Variants in CLDN20 observed in about 807,000 individuals in gnomAD.
The protein encoded by CLDN20 is claudin 20, also known as claudin-20.
For missense variants in CLDN20, 258 were observed against 267.9 expected (o/e 0.96, Z 0.26); for synonymous variants, 104 against 103.6 (o/e 1.00, Z -0.03).
intron 1 of CLDN20, among the ~76,000 whole-genome samples, chr6:155,273,353 CA>C (rs1234748184): frequency 1.3e-5 from 2 of 152,140 alleles, no homozygotes; most frequent in African/African-American, 4.8e-5. Context: ...AGATTATGAA[CA>C]AAAACAGAAC....
At chr6:155,272,641 T>C (rs1411650108) in intron 1 of CLDN20, among the ~76,000 whole-genome samples, 1 of 152,084 alleles carries the variant, frequency 6.6e-6, no homozygotes, top group Non-Finnish European at 1.5e-5. Flanking sequence ...GCAATGCAGC[T>C]AAAATGCCAG....
chr6:155,270,950 T>G (rs77845485), intron 1 of CLDN20, among the ~76,000 whole-genome samples: 17,002 of 152,246 alleles, frequency 0.11, 1,248 homozygotes, highest in African/African-American at 0.19. Context: ...CACATAAAGC[T>G]TACAACGACT....
rs940486054 is a variant in CLDN20, at chr6:155,272,704, C to T, written c.-104-2912C>T. Among the ~76,000 whole-genome samples the T allele has an allele frequency of 2.6e-5, 4 of 152,138 alleles. No individual in the cohort carries two copies. In the South Asian group the frequency reaches 8.3e-4, roughly 32 times the overall value. On this transcript the variant is annotated intron_variant, in intron 1 of 1. Transcript: ENST00000367165. ...TCATTTGGAGAACAAATTCTTTCTACATAAGTTCTCTATGCAGAAAAAAAA... is the reference window on the plus strand; with the variant it reads ...TCATTTGGAGAACAAATTCTTTCTATATAAGTTCTCTATGCAGAAAAAAAA...
intron 1 of CLDN20, among the ~76,000 whole-genome samples, chr6:155,269,675 A>T (rs9322507): frequency 0.54 from 82,781 of 151,984 alleles, 22,969 homozygotes; most frequent in East Asian, 0.8. Context: ...TTGAGAATTA[A>T]GTATTATAGC....
In CLDN20 at chr6:155,275,712, G is replaced by T; in HGVS notation, c.-8G>T. On this transcript the variant is annotated 5_prime_UTR_variant, in exon 2 of 2. Transcript: ENST00000367165. ...ATTTTCTAAGAGGACAGACTTAACA[G>T]TAACATCATGGCCTCAGCAGGACTC... 6.2e-7 allele frequency: 1 copy of T among 1,607,814 alleles called. No individual in the cohort carries two copies. Among genetic ancestry groups the T allele is most frequent in the Non-Finnish European group, 8.5e-7 (1 of 1,176,540 alleles).
intron 1 of CLDN20, among the ~76,000 whole-genome samples, chr6:155,273,822 A>T (rs1785051612): frequency 6.6e-6 from 1 of 152,204 alleles, no homozygotes; most frequent in Non-Finnish European, 1.5e-5. Context: ...TGAAAAAACA[A>T]GGATGCTTGA....
rs745482653 is a variant in CLDN20, at chr6:155,276,041, G to C, written c.322G>C (p.Gly108Arg). The change falls in exon 2 of 2, where the codon GGA becomes CGA. Residue 108 changes from glycine to arginine, a missense_variant. Transcript: ENST00000367165. ...STVGMKCTRLGGDRETKSHAS... is the reference protein window; with the variant it reads ...STVGMKCTRLRGDRETKSHAS... ...AGTAGGAATGAAATGTACTCGCTTA[G>C]GAGGGGACAGAGAAACCAAGAGCCA... 4 of 1,614,062 alleles carry C rather than the reference G, an allele frequency of 2.5e-6. No homozygotes were observed. The highest frequency in any genetic ancestry group is 3.4e-6 in the Non-Finnish European group (4 of 1,180,050).
At chr6:155,273,303 T>C (rs921133158) in intron 1 of CLDN20, among the ~76,000 whole-genome samples, 3 of 152,250 alleles carry the variant, frequency 2.0e-5, no homozygotes, top group African/African-American at 7.2e-5. Context: ...CTTAAAATCC[T>C]AGGGAAATCC....
At chr6:155,272,858 T>A (rs1784997099) in intron 1 of CLDN20, among the ~76,000 whole-genome samples, 1 of 152,228 alleles carries the variant, frequency 6.6e-6, no homozygotes, top group Admixed American at 6.5e-5. Flanking sequence ...ATGAACAAAC[T>A]GTCTTCATGT....
At chr6:155,267,548 T>C (rs1547245) in intron 1 of CLDN20, among the ~76,000 whole-genome samples, 44,698 of 152,054 alleles carry the variant, frequency 0.29, 7,311 homozygotes, top group East Asian at 0.66. Context: ...CAAGCTCTGA[T>C]TGGTGAGTGA....
chr6:155,266,516 C>T (rs1322395148), intron 1 of CLDN20, among the ~76,000 whole-genome samples: 2 of 152,156 alleles, frequency 1.3e-5, no homozygotes, highest in Admixed American at 1.3e-4. Flanking sequence ...GATGAAAAGC[C>T]AGATACAAAC....
intron 1 of CLDN20, among the ~76,000 whole-genome samples, chr6:155,269,304 G>GTTTTC (rs200492642): frequency 3.8e-5 from 5 of 130,190 alleles, no homozygotes; most frequent in Non-Finnish European, 6.4e-5. Context: ...CTGTAGCTTA[G>GTTTTC]TTTTCTTTTC....
intron 1 of CLDN20, among the ~76,000 whole-genome samples, chr6:155,266,846 C>CAACAA (rs1784662984): frequency 3.2e-5 from 2 of 62,832 alleles, no homozygotes; most frequent in Non-Finnish European, 5.7e-5. Context: ...GACTCCGTCT[C>CAACAA]AAAAAAAAAA....
chr6:155,268,800 CACAA>C lies in CLDN20; in HGVS notation c.-105+4516_-105+4519del, dbSNP rs1376921760. On this transcript the variant is annotated intron_variant, in intron 1 of 1. Transcript: ENST00000367165. ...CTCCCTAATCTCAAGTACCCAGGGACACAAACACTGCGGAAGGCCGCAGGGTCCT... is the reference window on the plus strand; with the variant it reads ...CTCCCTAATCTCAAGTACCCAGGGACACACTGCGGAAGGCCGCAGGGTCCT... 2.1e-4 allele frequency among the ~76,000 whole-genome samples: 32 copies of C among 151,018 alleles called. No individual in the cohort carries two copies. In the East Asian group the frequency reaches 6.2e-3, roughly 29 times the overall value.
chr6:155,272,128 T>A (rs1354146276), intron 1 of CLDN20, among the ~76,000 whole-genome samples: 1 of 152,210 alleles, frequency 6.6e-6, no homozygotes, highest in Admixed American at 6.5e-5. Context: ...TTCTTCACCA[T>A]AACTAACTGA....
rs530792294 is a variant in CLDN20, at chr6:155,272,933, G to A, written c.-104-2683G>A. 5.8e-4 allele frequency among the ~76,000 whole-genome samples: 89 copies of A among 152,270 alleles called. 3 individuals carry two copies. The South Asian group carries it at 0.016, about 28-fold the overall frequency. The stretch of plus-strand genomic sequence containing the variant: ...GGAAGAAAAGGATTATAATTGGTAA[G>A]CTGAACATAGATTGACAACAAAGGT... On this transcript the variant is annotated intron_variant, in intron 1 of 1. Coordinates refer to ENST00000367165, the MANE Select transcript of CLDN20 (RefSeq NM_001001346.3).
intron 1 of CLDN20, among the ~76,000 whole-genome samples, chr6:155,267,664 T>C (rs929519809): frequency 2.0e-5 from 3 of 152,190 alleles, no homozygotes; most frequent in Non-Finnish European, 2.9e-5. Context: ...GCTAGGCTTA[T>C]AGAAAGTGTA....
intron 1 of CLDN20, among the ~76,000 whole-genome samples, chr6:155,265,533 C>G (rs1784589510): frequency 6.6e-6 from 1 of 151,276 alleles, no homozygotes; most frequent in African/African-American, 2.4e-5. Context: ...AGGATTAGGT[C>G]AAATCACTTT....
At chr6:155,268,647 AC>A (rs1784772209) in intron 1 of CLDN20, among the ~76,000 whole-genome samples, 2 of 152,030 alleles carry the variant, frequency 1.3e-5, no homozygotes, top group Admixed American at 1.3e-4. Flanking sequence ...CTGTGACCTT[AC>A]CCCCAACCCG....
Sources: gnomAD v4.1 joint callset for allele counts (sites outside exome capture counted in the v4.1 genomes callset) on GRCh38, gnomAD v4.1.1 for gene constraint, MANE v1.5 for transcripts, NCBI Gene and HGNC (gene_info 2026-07-23, HGNC 2026-07-21) for gene names.